The following C11orf65 variants were observed in gnomAD, a reference collection of about 807,000 sequenced individuals.
C11orf65 encodes protein MFI.
A neutral mutation model predicts 35.3 loss-of-function variants in C11orf65; 38 were observed. The ratio of observed to expected loss-of-function variants is 1.08; its 90% CI spans 0.83 to 1.41. C11orf65 has a LOEUF of 1.41. C11orf65 is among the 40% of genes most tolerant of loss of function. C11orf65 has a pLI of 0.00. For missense variants in C11orf65, 370 were observed against 367.1 expected (o/e 1.01, Z -0.06); for synonymous variants, 105 against 114.4 (o/e 0.92, Z 0.53).
At chr11:108,359,909 A>C (rs1409265781) in intron 2 of C11orf65, among the ~76,000 whole-genome samples, 3 of 152,194 alleles carry the variant, frequency 2.0e-5, no homozygotes, top group African/African-American at 7.2e-5. Flanking sequence ...GAGCAAACAC[A>C]TTCAAAAGTT....
rs528884558 is a variant in C11orf65, at chr11:108,318,362, T to TAAAAAAATAAATAAAATA, written c.641-9309_641-9292dup. 2.7e-3 allele frequency among the ~76,000 whole-genome samples: 400 copies of TAAAAAAATAAATAAAATA among 146,268 alleles called. 3 individuals carry two copies. The highest frequency in any genetic ancestry group is 8.9e-3 in the African/African-American group (351 of 39,416). On this transcript the variant is annotated intron_variant, in intron 6 of 6. Coordinates refer to the C11orf65 transcript ENST00000525729. ...GGACAACAGAGCGAGACTCTGTCTCTAAAAAAATAAATAAAATAAAAAAAA... is the reference window on the plus strand; with the variant it reads ...GGACAACAGAGCGAGACTCTGTCTCTAAAAAAATAAATAAAATAAAAAAAATAAATAAAATAAAAAAAA...
rs867476867 is a variant in C11orf65, at chr11:108,359,451, A to G, written c.227-24159T>C. Among the ~76,000 whole-genome samples the G allele has an allele frequency of 2.8e-4, 42 of 152,234 alleles. No homozygotes were observed. In the South Asian group the frequency reaches 8.7e-3, roughly 32 times the overall value. ...CAGCTCTGCACCAAGCGGACCTAAT[A>G]GACATCTACAGAACTCTCCACCCCA... is the stretch of plus-strand genomic sequence containing the variant. On this transcript the variant is annotated intron_variant, in intron 2 of 3. Transcript: ENST00000524755.
intron 2 of C11orf65, among the ~76,000 whole-genome samples, chr11:108,444,023 A>T (rs2093207601): frequency 6.6e-6 from 1 of 152,180 alleles, no homozygotes; most frequent in South Asian, 2.1e-4. Flanking sequence ...AAATCAATGA[A>T]TCCAGGAGCT....
chr11:108,432,813 GAAAT>G (rs779439768), intron 2 of C11orf65, among the ~76,000 whole-genome samples: 21 of 152,138 alleles, frequency 1.4e-4, no homozygotes, highest in Non-Finnish European at 2.6e-4. Flanking sequence ...TGAGTATCAA[GAAAT>G]ACTTATTATG....
chr11:108,409,480 C>T (rs2092616862), intron 3 of C11orf65, among the ~76,000 whole-genome samples: 1 of 152,112 alleles, frequency 6.6e-6, no homozygotes, highest in African/African-American at 2.4e-5. Context: ...GATATGCATT[C>T]AGTAGAAATC....
intron 6 of C11orf65, among the ~76,000 whole-genome samples, chr11:108,399,074 T>A (rs1165917409): frequency 2.0e-5 from 3 of 151,972 alleles, no homozygotes; most frequent in Admixed American, 2.0e-4. Context: ...AGTTGTTGAG[T>A]CTATATAGGG....
intron 2 of C11orf65, among the ~76,000 whole-genome samples, chr11:108,444,959 C>G (rs896633914): frequency 2.6e-5 from 4 of 152,210 alleles, no homozygotes; most frequent in Non-Finnish European, 4.4e-5. Context: ...GAGATTATAT[C>G]CCACACATGG....
At chr11:108,390,607 G>C (rs2092136920) in intron 7 of C11orf65, among the ~76,000 whole-genome samples, 1 of 152,148 alleles carries the variant, frequency 6.6e-6, no homozygotes, top group African/African-American at 2.4e-5. Context: ...CCAGTCCTGG[G>C]AAACTCATTC....
At chr11:108,337,895 C>T (rs2136762112) in intron 2 of C11orf65, among the ~76,000 whole-genome samples, 1 of 152,350 alleles carries the variant, frequency 6.6e-6, no homozygotes, top group East Asian at 1.9e-4. Context: ...CAAGCAGATA[C>T]ACAATTGAAC....
intron 2 of C11orf65, among the ~76,000 whole-genome samples, chr11:108,345,298 A>G (rs1269160672): frequency 2.0e-5 from 3 of 152,210 alleles, no homozygotes; most frequent in Non-Finnish European, 2.9e-5. Flanking sequence ...TGCTTCAGGT[A>G]GTATTTTATG....
chr11:108,461,416 C>T, intron 2 of C11orf65, 63 bp downstream of exon 2: 1 of 1,293,814 alleles, frequency 7.7e-7, no homozygotes, highest in Non-Finnish European at 1.1e-6. Context: ...AAAAATTGAA[C>T]TGTACACTTT....
At chr11:108,461,158 T>C (rs1182586435) in intron 2 of C11orf65, among the ~76,000 whole-genome samples, 1 of 152,136 alleles carries the variant, frequency 6.6e-6, no homozygotes, top group East Asian at 1.9e-4. Context: ...TCCCAGCACT[T>C]TGGGAGGCCA....
At chr11:108,419,976 A>C (rs2092791983) in intron 3 of C11orf65, among the ~76,000 whole-genome samples, 1 of 152,246 alleles carries the variant, frequency 6.6e-6, no homozygotes, top group Non-Finnish European at 1.5e-5. Flanking sequence ...ATTGAGGATG[A>C]CATGATTGTT....
chr11:108,379,418 T>A (rs138294028), downstream of C11orf65, among the ~76,000 whole-genome samples: 2 of 142,568 alleles, frequency 1.4e-5, no homozygotes, highest in African/African-American at 5.3e-5. Flanking sequence ...CAGGTGGGAA[T>A]TGAACAATGA....
intron 1 of C11orf65, among the ~76,000 whole-genome samples, chr11:108,463,076 T>A (rs1173854644): frequency 1.3e-5 from 2 of 152,158 alleles, no homozygotes; most frequent in Non-Finnish European, 2.9e-5. Flanking sequence ...CAGTGAGCTA[T>A]GATTGCACCA....
intron 3 of C11orf65, among the ~76,000 whole-genome samples, chr11:108,408,724 AAAATAAAATG>A (rs58947981): frequency 0.062 from 8,142 of 131,590 alleles, 893 homozygotes; most frequent in African/African-American, 0.14. Context: ...AAAATAAAAT[AAAATAAAATG>A]ATATAAGAAT....
intron 2 of C11orf65, among the ~76,000 whole-genome samples, chr11:108,453,454 A>T (rs2093376687): frequency 6.6e-6 from 1 of 152,168 alleles, no homozygotes; most frequent in African/African-American, 2.4e-5. Flanking sequence ...AAAGACAAAG[A>T]TTATTTAGAA....
intron 2 of C11orf65, among the ~76,000 whole-genome samples, chr11:108,440,221 A>G (rs1042606840): frequency 1.3e-5 from 2 of 152,236 alleles, no homozygotes; most frequent in Non-Finnish European, 2.9e-5. Context: ...TTAACCCTCT[A>G]AAAGAATATA....
chr11:108,320,648 C>T (rs2085138720), intron 6 of C11orf65, among the ~76,000 whole-genome samples: 1 of 152,098 alleles, frequency 6.6e-6, no homozygotes, highest in African/African-American at 2.4e-5. Context: ...GTAACATGCC[C>T]AAAGTTACAC....
Sources: gnomAD v4.1 joint callset for allele counts (sites outside exome capture counted in the v4.1 genomes callset) on GRCh38, gnomAD v4.1.1 for gene constraint, MANE v1.5 for transcripts, NCBI Gene and HGNC (gene_info 2026-07-23, HGNC 2026-07-21) for gene names.